Variants in PAX7 observed in about 807,000 individuals in gnomAD.
The protein encoded by PAX7 is paired box 7, also known as paired box protein Pax-7.
PAX7 carries 18 observed loss-of-function variants against 50.7 expected under a neutral mutation model. The ratio of observed to expected loss-of-function variants is 0.36; its 90% CI spans 0.25 to 0.53. PAX7 has a LOEUF of 0.53. PAX7 is among the 20% of genes least tolerant of loss of function. The probability of loss-of-function intolerance (pLI) is 0.93; values close to 1 mark genes in which losing one functional copy is unlikely to be tolerated. For missense variants in PAX7, 644 were observed against 702.9 expected, an observed-to-expected ratio of 0.92 and a Z score of 0.95; for synonymous variants, 310 against 290.4, an observed-to-expected ratio of 1.07 and a Z score of -0.69.
rs1009146373 is a variant in PAX7, at chr1:18,745,095, T to C, written c.*166T>C. On this transcript the variant is annotated 3_prime_UTR_variant, in exon 9 of 9. Coordinates refer to ENST00000420770, the MANE Select transcript of PAX7 (RefSeq NM_001135254.2). ...TGGAGGTAGACAGCCAGCTTGTCAC[T>C]CACCTGTGGTTAGGGATCCAGAGTG... The C allele has an allele frequency of 2.0e-5, 12 of 603,464 alleles. No individual in the cohort carries two copies. Among genetic ancestry groups the C allele is most frequent in the African/African-American group, 1.9e-4 (10 of 53,844 alleles). 37.4% of individuals were successfully genotyped at this position (603,464 alleles called of 1,614,324 possible). A position where few individuals can be genotyped will look rare whatever the true frequency, so the allele number is the denominator to read the frequency against.
intron 7 of PAX7, among the ~76,000 whole-genome samples, chr1:18,714,150 T>C (rs1329021533): frequency 6.6e-6 from 1 of 151,810 alleles, no homozygotes; most frequent in African/African-American, 2.4e-5. Flanking sequence ...GGGGCTGCAG[T>C]GAGCCGAGAT....
At chr1:18,670,433 C>T (rs1037612603) in intron 4 of PAX7, among the ~76,000 whole-genome samples, 7 of 152,102 alleles carry the variant, frequency 4.6e-5, no homozygotes, top group Non-Finnish European at 1.0e-4. Flanking sequence ...ACATTCAGTT[C>T]CCAAAGTCCT....
intron 4 of PAX7, among the ~76,000 whole-genome samples, chr1:18,691,210 C>T (rs2089064948): frequency 6.6e-6 from 1 of 152,182 alleles, no homozygotes; most frequent in South Asian, 2.1e-4. Flanking sequence ...AACTCCTGGG[C>T]TCAAGCAATC....
At chr1:18,646,568 G>A (rs1041538301) in intron 4 of PAX7, among the ~76,000 whole-genome samples, 6 of 152,188 alleles carry the variant, frequency 3.9e-5, no homozygotes, top group Non-Finnish European at 8.8e-5. Flanking sequence ...GGAGGCGTCA[G>A]GAGTTCGTCC....
intron 4 of PAX7, among the ~76,000 whole-genome samples, chr1:18,680,537 G>C (rs781633227): frequency 6.6e-6 from 1 of 152,136 alleles, no homozygotes; most frequent in African/African-American, 2.4e-5. Flanking sequence ...CAAGAACGAG[G>C]CTCAGGACTT....
At chr1:18,640,095 A>G (rs1016984942) in intron 4 of PAX7, among the ~76,000 whole-genome samples, 2 of 151,980 alleles carry the variant, frequency 1.3e-5, no homozygotes, top group African/African-American at 4.8e-5. Context: ...GAGGACGGCG[A>G]GTGAGGCAGA....
intron 1 of PAX7, 31 bp downstream of exon 1, chr1:18,631,719 C>T (rs772673298): frequency 6.4e-7 from 1 of 1,569,414 alleles, no homozygotes; most frequent in Non-Finnish European, 8.7e-7. Flanking sequence ...CTCGCCGCGA[C>T]TCCGCCGCCC....
chr1:18,659,949 C>T (rs1570135536), intron 4 of PAX7, among the ~76,000 whole-genome samples: 1 of 152,314 alleles, frequency 6.6e-6, no homozygotes, highest in Non-Finnish European at 1.5e-5. Flanking sequence ...TTGGGAAAAG[C>T]CCAGCGGGCC....
intron 7 of PAX7, among the ~76,000 whole-genome samples, chr1:18,706,978 G>A (rs2089292228): frequency 6.6e-6 from 1 of 152,176 alleles, no homozygotes. Flanking sequence ...GGGAAGTGGG[G>A]ACCACAGAAC....
At chr1:18,661,517 T>G (rs2088599075) in intron 4 of PAX7, among the ~76,000 whole-genome samples, 2 of 152,186 alleles carry the variant, frequency 1.3e-5, no homozygotes, top group Admixed American at 6.5e-5. Context: ...TCTGGAAGCC[T>G]GCACGCTAAC....
intron 5 of PAX7, among the ~76,000 whole-genome samples, chr1:18,695,782 A>T (rs1366728349): frequency 6.6e-6 from 1 of 152,192 alleles, no homozygotes; most frequent in African/African-American, 2.4e-5. Flanking sequence ...TTCTTCTAGA[A>T]ATAGAGGCTG....
At chr1:18,683,635 T>C (rs1033022388) in intron 4 of PAX7, among the ~76,000 whole-genome samples, 1 of 151,930 alleles carries the variant, frequency 6.6e-6, no homozygotes, top group Non-Finnish European at 1.5e-5. Flanking sequence ...AGGTCAGGAG[T>C]TTGAGACCAG....
chr1:18,725,302 G>GCCCCCC (rs3216186), intron 7 of PAX7, among the ~76,000 whole-genome samples: 1 of 106,358 alleles, frequency 9.4e-6, no homozygotes, highest in Non-Finnish European at 1.9e-5. Flanking sequence ...AGGTGGAGAC[G>GCCCCCC]CCCCCCCCCC....
In PAX7 at chr1:18,692,802, C is replaced by T. The variant is rs537301207; in HGVS notation, c.786+849C>T. ...GCAGCCCCCAAAGACCCTGAACATC[C>T]CCTCCATGGCCTCAATATATGGGAA... On this transcript the variant is annotated intron_variant, in intron 5 of 8. Coordinates refer to ENST00000420770, the MANE Select transcript of PAX7 (RefSeq NM_001135254.2). 7.9e-5 allele frequency among the ~76,000 whole-genome samples: 12 copies of T among 152,276 alleles called. No individual in the cohort carries two copies. In the East Asian group the frequency reaches 1.9e-3, roughly 25 times the overall value.
At chr1:18,648,474 T>C (rs1296753317) in intron 4 of PAX7, among the ~76,000 whole-genome samples, 1 of 151,782 alleles carries the variant, frequency 6.6e-6, no homozygotes, top group African/African-American at 2.4e-5. Context: ...CCCGAGTAGC[T>C]GGGACTACAG....
intron 4 of PAX7, among the ~76,000 whole-genome samples, chr1:18,679,473 A>C (rs1268811828): frequency 6.6e-6 from 1 of 152,126 alleles, no homozygotes; most frequent in Non-Finnish European, 1.5e-5. Flanking sequence ...GGGCAGCTTC[A>C]TCTGGCCACT....
At chr1:18,715,155 G>A (rs2100354049) in intron 7 of PAX7, among the ~76,000 whole-genome samples, 1 of 152,202 alleles carries the variant, frequency 6.6e-6, no homozygotes, top group South Asian at 2.1e-4. Flanking sequence ...CTGCTCCCTT[G>A]GCCGGGAACA....
intron 4 of PAX7, among the ~76,000 whole-genome samples, chr1:18,670,996 A>T (rs900817780): frequency 1.6e-4 from 25 of 152,132 alleles, no homozygotes; most frequent in Non-Finnish European, 3.1e-4. Flanking sequence ...AGAGGCAAAC[A>T]CATCTCAAAG....
chr1:18,661,568 A>G (rs112073297), intron 4 of PAX7, among the ~76,000 whole-genome samples: 12 of 152,214 alleles, frequency 7.9e-5, no homozygotes, highest in African/African-American at 2.4e-4. Context: ...ACAAGAAATG[A>G]CCTCCATGAG....
Sources: gnomAD v4.1 joint callset for allele counts (sites outside exome capture counted in the v4.1 genomes callset) on GRCh38, gnomAD v4.1.1 for gene constraint, MANE v1.5 for transcripts, NCBI Gene and HGNC (gene_info 2026-07-23, HGNC 2026-07-21) for gene names.